Variants in IGFBP1 observed in about 807,000 individuals in gnomAD.
IGFBP1 encodes the protein insulin-like growth factor-binding protein 1.
A neutral mutation model predicts 23.1 loss-of-function variants in IGFBP1; 31 were observed. The ratio of observed to expected loss-of-function variants is 1.34; its 90% CI spans 1.01 to 1.81. IGFBP1 has a LOEUF of 1.81. IGFBP1 is among the 40% of genes most tolerant of loss of function. The pLI is 0.00. For missense variants in IGFBP1, 333 were observed against 342.2 expected, an observed-to-expected ratio of 0.97 and a Z score of 0.21; for synonymous variants, 148 against 145.5, an observed-to-expected ratio of 1.02 and a Z score of -0.13.
chr7:45,891,985 G>A lies in IGFBP1; in HGVS notation c.573G>A (p.Gln191=). 2 of 1,613,912 alleles carry A rather than the reference G, an allele frequency of 1.2e-6. No homozygotes were observed. Among genetic ancestry groups the A allele is most frequent in the South Asian group, 2.2e-5 (2 of 91,068 alleles). ...YRVVESLAKA[Q]ETSGEEISKF... Reference sequence around the variant, plus strand: ...TCGTAGAGAGTTTAGCCAAGGCACAGGAGACATCAGGAGAAGAAATTTCCA... The same window carrying A: ...TCGTAGAGAGTTTAGCCAAGGCACAAGAGACATCAGGAGAAGAAATTTCCA... The change falls in exon 3 of 4, where the codon CAG becomes CAA. Residue 191 remains glutamine, a synonymous_variant. Transcript: ENST00000275525.
intron 3 of IGFBP1, 37 bp downstream of exon 3, chr7:45,892,097 A>T (rs754365887): frequency 6.2e-7 from 1 of 1,608,242 alleles, no homozygotes; most frequent in Non-Finnish European, 8.5e-7. Context: ...TCAGGGTGAA[A>T]GGGACTACTG....
In IGFBP1 at chr7:45,892,905, A is replaced by G. The variant is rs1414679885; in HGVS notation, c.649-55A>G. 8 of 1,581,840 alleles carry G rather than the reference A, an allele frequency of 5.1e-6. No individual in the cohort carries two copies. The Middle Eastern group carries it at 6.4e-4, about 127-fold the overall frequency. ...TGAAAAAAGGGCCAGCTATGGCTCTACTTTCCCTGTCAGCTTGTCATCTGC... is the reference window on the plus strand; with the variant it reads ...TGAAAAAAGGGCCAGCTATGGCTCTGCTTTCCCTGTCAGCTTGTCATCTGC... On this transcript the variant is annotated intron_variant, in intron 3 of 3. Coordinates refer to ENST00000275525, the MANE Select transcript of IGFBP1 (RefSeq NM_000596.4).
At chr7:45,892,935 C>T (rs1380216833) in intron 3 of IGFBP1, 25 bp from the exon 4 acceptor site, 6 of 1,606,542 alleles carry the variant, frequency 3.7e-6, no homozygotes, top group East Asian at 2.2e-5. Flanking sequence ...ATCTGCTGCT[C>T]TTGACCTTGG....
At chr7:45,890,027 T>C (rs531212236) in intron 1 of IGFBP1, among the ~76,000 whole-genome samples, 1 of 152,188 alleles carries the variant, frequency 6.6e-6, no homozygotes, top group South Asian at 2.1e-4. Context: ...GAGAAGTCCA[T>C]TAGGACGTGG....
chr7:45,891,925 C>T lies in IGFBP1; in HGVS notation c.520-7C>T. 6.2e-7 allele frequency: 1 copy of T among 1,607,328 alleles called. No individual in the cohort carries two copies. Among genetic ancestry groups the T allele is most frequent in the Non-Finnish European group, 8.5e-7 (1 of 1,176,690 alleles). On this transcript the variant is annotated splice_region_variant and splice_polypyrimidine_tract_variant and intron_variant, in intron 2 of 3. Transcript: ENST00000275525. ...TTAGATATGCTAATGTCAAGTTATTCTCTTAGGAGCCCTGCCGAATAGAAC... is the reference window on the plus strand; with the variant it reads ...TTAGATATGCTAATGTCAAGTTATTTTCTTAGGAGCCCTGCCGAATAGAAC...
intron 1 of IGFBP1, 78 bp downstream of exon 1, chr7:45,889,079 C>T: frequency 9.0e-7 from 1 of 1,108,016 alleles, no homozygotes; most frequent in Non-Finnish European, 1.2e-6. Flanking sequence ...ACTCCCCTAA[C>T]TACTGGGTGG....
chr7:45,890,507 C>G (rs772544578), intron 1 of IGFBP1, 41 bp from the exon 2 acceptor site: 4 of 1,557,608 alleles, frequency 2.6e-6, no homozygotes, highest in Non-Finnish European at 2.6e-6. Flanking sequence ...GGGGCAGATG[C>G]TTTGGGAGGG....
intron 1 of IGFBP1, among the ~76,000 whole-genome samples, chr7:45,890,342 A>G (rs575131027): frequency 6.6e-6 from 1 of 152,320 alleles, no homozygotes; most frequent in South Asian, 2.1e-4. Flanking sequence ...ATTGTCAGGA[A>G]CAGAGCTGGC....
At position 45,888,587 on chromosome 7, in the gene IGFBP1, T is replaced by C. The variant is rs1236443683; in HGVS notation, c.-66T>C. On this transcript the variant is annotated 5_prime_UTR_variant, in exon 1 of 4. Transcript: ENST00000275525. ...CGCTCCACCATCACTTGCCCAGAGT[T>C]TGGGCCACCGCCCGCCGCCACCAGC... 2 of 1,403,676 alleles carry C rather than the reference T, an allele frequency of 1.4e-6. No individual in the cohort carries two copies. Among genetic ancestry groups the C allele is most frequent in the East Asian group, 2.4e-5 (1 of 41,440 alleles). 87.0% of individuals were successfully genotyped at this position (1,403,676 alleles called of 1,614,324 possible).
At chr7:45,891,309 G>A (rs923145176) in intron 2 of IGFBP1, among the ~76,000 whole-genome samples, 7 of 152,128 alleles carry the variant, frequency 4.6e-5, no homozygotes, top group African/African-American at 1.4e-4. Flanking sequence ...AATCAAAGTC[G>A]GAGTGATTTG....
chr7:45,893,148 AC>A lies in IGFBP1; in HGVS notation c.*58del, dbSNP rs1448912249. The A allele has an allele frequency of 4.2e-6, 5 of 1,182,656 alleles. No homozygotes were observed. Among genetic ancestry groups the A allele is most frequent in the Non-Finnish European group, 6.0e-6 (5 of 834,932 alleles). The allele number at this position is 1,182,656 out of a possible 1,614,324, so 73.3% of individuals were successfully genotyped here. On this transcript the variant is annotated 3_prime_UTR_variant, in exon 4 of 4. Transcript: ENST00000275525. Reference sequence around the variant, plus strand: ...ATATTTAAGTATATAGTATATTTATACTCTAGAACATGCACATTTATATATA... The same window carrying A: ...ATATTTAAGTATATAGTATATTTATATCTAGAACATGCACATTTATATATA...
intron 3 of IGFBP1, among the ~76,000 whole-genome samples, chr7:45,892,473 G>A (rs1787093818): frequency 6.6e-6 from 1 of 152,192 alleles, no homozygotes; most frequent in African/African-American, 2.4e-5. Flanking sequence ...TCCTTGAACT[G>A]TCTAATAAAA....
intron 2 of IGFBP1, 45 bp downstream of exon 2, chr7:45,890,762 T>C (rs1266272491): frequency 6.5e-6 from 10 of 1,534,070 alleles, no homozygotes; most frequent in Admixed American, 3.8e-5. Context: ...TGTCAGAGGA[T>C]GTAGCTTGAG....
chr7:45,891,675 T>C (rs1369072362), intron 2 of IGFBP1, among the ~76,000 whole-genome samples: 2 of 152,194 alleles, frequency 1.3e-5, no homozygotes, highest in Non-Finnish European at 2.9e-5. Flanking sequence ...GGGATGTCTC[T>C]GTGCAGGTGT....
Position 45,888,548 on chromosome 7 carries a change from A to T in IGFBP1, c.-105A>T, listed in dbSNP as rs992289737. 1.0e-6 allele frequency: 1 copy of T among 973,596 alleles called. No homozygotes were observed. Among genetic ancestry groups the T allele is most frequent in the African/African-American group, 1.7e-5 (1 of 60,304 alleles). The allele number at this position is 973,596 out of a possible 1,614,324, so 60.3% of individuals were successfully genotyped here. The stretch of plus-strand genomic sequence containing the variant: ...CGCCGCGCCGCCGCCACCCTCCCAG[A>T]GAGCACTGGCCACCGCTCCACCATC... On this transcript the variant is annotated 5_prime_UTR_variant, in exon 1 of 4. Transcript: ENST00000275525.
intron 3 of IGFBP1, 71 bp downstream of exon 3, chr7:45,892,131 G>T: frequency 6.5e-7 from 1 of 1,530,462 alleles, no homozygotes. Flanking sequence ...CCAAGCCACG[G>T]TCATTCATGT....
rs9658216 is a variant in IGFBP1, at chr7:45,891,763, G to T, written c.520-169G>T. On this transcript the variant is annotated intron_variant, in intron 2 of 3. Coordinates refer to ENST00000275525, the MANE Select transcript of IGFBP1 (RefSeq NM_000596.4). ...AACTTAAGACAGACTAACTGCAGGT[G>T]GGAAAAAGAGGCCCAGAGGGAGCAC... Among the ~76,000 whole-genome samples the T allele has an allele frequency of 3.9e-3, 598 of 152,282 alleles. 9 individuals carry two copies. In the East Asian group the frequency reaches 0.049, roughly 13 times the overall value.
In IGFBP1 at chr7:45,890,671, A is replaced by T. The variant is rs552821872; in HGVS notation, c.473A>T (p.Tyr158Phe). The T allele has an allele frequency of 1.2e-6, 2 of 1,612,834 alleles. No homozygotes were observed. Among genetic ancestry groups the T allele is most frequent in the South Asian group, 1.1e-5 (1 of 90,916 alleles). ...HSILWDAIST[Y>F]DGSKALHVTN... The stretch of plus-strand genomic sequence containing the variant: ...ATCCTTTGGGACGCCATCAGTACCT[A>T]TGATGGCTCGAAGGCTCTCCATGTC... The change falls in exon 2 of 4, where the codon TAT (tyrosine) becomes TTT (phenylalanine). Residue 158 changes from tyrosine (Y) to phenylalanine (F), a missense_variant. Coordinates refer to ENST00000275525, the MANE Select transcript of IGFBP1 (RefSeq NM_000596.4).
chr7:45,890,411 C>T, intron 1 of IGFBP1, 137 bp from the exon 2 acceptor site: 1 of 778,768 alleles, frequency 1.3e-6, no homozygotes, highest in African/African-American at 1.8e-5. Context: ...CAGTGAGAGT[C>T]AGTGAAAATC....
Sources: gnomAD v4.1 joint callset for allele counts (sites outside exome capture counted in the v4.1 genomes callset) on GRCh38, gnomAD v4.1.1 for gene constraint, MANE v1.5 for transcripts, NCBI Gene and HGNC (gene_info 2026-07-23, HGNC 2026-07-21) for gene names.